The following FRAS1 variants were observed in gnomAD, a reference collection of about 807,000 sequenced individuals.
The protein encoded by FRAS1 is Fraser extracellular matrix complex subunit 1.
In FRAS1, 290 loss-of-function variants were observed where a neutral mutation model predicts 435.2. The ratio of observed to expected loss-of-function variants is 0.67; its 90% CI spans 0.61 to 0.73. The LOEUF (loss-of-function observed/expected upper bound fraction) is 0.73, where lower values mean the gene tolerates loss of function less well. Among genes scored for constraint, FRAS1 ranks in the 30% least tolerant of loss-of-function variants. The pLI, the probability that FRAS1 is intolerant of heterozygous loss-of-function variation, is 0.00. For missense variants in FRAS1, 4,860 were observed against 5,001.5 expected (o/e 0.97, Z 0.85); for synonymous variants, 1,800 against 1,851.0 (o/e 0.97, Z 0.71).
At position 78,284,526 on chromosome 4, in the gene FRAS1, C is replaced by A; in HGVS notation, c.1377C>A (p.Tyr459Ter). The change falls in exon 13 of 74, where the codon TAC (tyrosine) becomes TAA (stop). Residue 459 changes from tyrosine (Y) to a stop codon, truncating the protein, a stop_gained. Transcript: ENST00000512123. LOFTEE classifies it high-confidence loss of function. The part of the protein sequence containing the change: ...WCVHSCGLGF[Y>*]QAGSLCLACQ... ...TGCACAGCTGTGGACTGGGTTTTTACCAAGCTGGCAGTCTCTGTTTAGGTA... is the reference window on the plus strand; with the variant it reads ...TGCACAGCTGTGGACTGGGTTTTTAACAAGCTGGCAGTCTCTGTTTAGGTA... The A allele has an allele frequency of 6.2e-7, 1 of 1,611,334 alleles. No homozygotes were observed.
intron 22 of FRAS1, among the ~76,000 whole-genome samples, chr4:78,365,741 A>AG (rs1560682748): frequency 1.5e-5 from 2 of 135,368 alleles, no homozygotes; most frequent in Non-Finnish European, 3.1e-5. Context: ...GTACATTAAA[A>AG]AAAAAAAAAC....
chr4:78,443,229 A>C (rs1421690552), intron 41 of FRAS1, among the ~76,000 whole-genome samples: 1 of 152,148 alleles, frequency 6.6e-6, no homozygotes, highest in Non-Finnish European at 1.5e-5. Flanking sequence ...GTGGTGGCAC[A>C]TGCCTGTAGT....
At chr4:78,278,869 T>C (rs543289583) in intron 10 of FRAS1, 125 bp downstream of exon 10, 2 of 641,150 alleles carry the variant, frequency 3.1e-6, no homozygotes, top group East Asian at 2.8e-5. Context: ...GTGCACCTAC[T>C]GTACAACAGG....
intron 45 of FRAS1, among the ~76,000 whole-genome samples, chr4:78,451,041 A>G (rs1383481570): frequency 1.3e-5 from 2 of 148,578 alleles, no homozygotes; most frequent in Non-Finnish European, 2.9e-5. Flanking sequence ...CTGAATTCTC[A>G]TTGGAACTGG....
intron 59 of FRAS1, among the ~76,000 whole-genome samples, chr4:78,491,314 A>G: frequency 6.6e-6 from 1 of 152,228 alleles, no homozygotes; most frequent in Non-Finnish European, 1.5e-5. Flanking sequence ...TTATGAGGCC[A>G]GCATCATCCT....
intron 42 of FRAS1, 104 bp downstream of exon 42, chr4:78,445,816 G>A: frequency 7.0e-7 from 1 of 1,428,246 alleles, no homozygotes; most frequent in Non-Finnish European, 9.2e-7. Flanking sequence ...GATTGGATTT[G>A]ACCTTCAAAA....
intron 30 of FRAS1, among the ~76,000 whole-genome samples, chr4:78,401,749 A>T (rs948383558): frequency 2.0e-5 from 3 of 151,644 alleles, no homozygotes; most frequent in South Asian, 4.2e-4. Flanking sequence ...CCTGGTGAAA[A>T]TTCAGAACTT....
chr4:78,140,977 T>C (rs1720157764), intron 2 of FRAS1, among the ~76,000 whole-genome samples: 1 of 152,154 alleles, frequency 6.6e-6, no homozygotes, highest in Non-Finnish European at 1.5e-5. Flanking sequence ...AGGTGGGTGA[T>C]GGGCTGGGAG....
intron 19 of FRAS1, among the ~76,000 whole-genome samples, chr4:78,333,763 G>T (rs569650567): frequency 6.6e-6 from 1 of 152,140 alleles, no homozygotes; most frequent in Non-Finnish European, 1.5e-5. Context: ...CTAGAACTTA[G>T]TTCAGCATAA....
chr4:78,478,021 C>T lies in FRAS1; in HGVS notation c.8058C>T (p.Asn2686=), dbSNP rs767860539. The change falls in exon 55 of 74, where the codon AAC becomes AAT. Residue 2686 remains asparagine, a synonymous_variant. Coordinates refer to ENST00000512123, the MANE Select transcript of FRAS1 (RefSeq NM_025074.7). ...TTGACAAGAAGATCTACTGGGTTAACGAGAGCGCTGGTTTTCTGTTTGCAC... is the reference window on the plus strand; with the variant it reads ...TTGACAAGAAGATCTACTGGGTTAATGAGAGCGCTGGTTTTCTGTTTGCAC... ...LEFDKKIYWV[N]ESAGFLFAPI... is the part of the protein sequence containing the mutation. 346 of 1,594,994 alleles carry T rather than the reference C, an allele frequency of 2.2e-4. No homozygotes were observed. The highest frequency in any genetic ancestry group is 2.8e-4 in the Non-Finnish European group (327 of 1,170,216).
intron 47 of FRAS1, among the ~76,000 whole-genome samples, chr4:78,455,547 G>T (rs1719165878): frequency 6.6e-6 from 1 of 152,202 alleles, no homozygotes; most frequent in African/African-American, 2.4e-5. Flanking sequence ...CACTGGTGCT[G>T]CAGACACCCT....
chr4:78,273,914 G>A (rs1191070945), intron 9 of FRAS1, among the ~76,000 whole-genome samples: 2 of 152,232 alleles, frequency 1.3e-5, no homozygotes, highest in African/African-American at 4.8e-5. Flanking sequence ...TGTACCTCTG[G>A]TAGAATTCGG....
chr4:78,080,520 A>G (rs746662968), intron 2 of FRAS1, among the ~76,000 whole-genome samples: 7 of 152,162 alleles, frequency 4.6e-5, no homozygotes, highest in African/African-American at 7.2e-5. Flanking sequence ...CTTTTATCTT[A>G]ATTGGATACA....
At chr4:78,262,782 TA>T (rs1386101962) in intron 6 of FRAS1, among the ~76,000 whole-genome samples, 7 of 152,190 alleles carry the variant, frequency 4.6e-5, no homozygotes, top group Non-Finnish European at 1.0e-4. Context: ...GTAGTGGCAT[TA>T]GTAATATGTT....
chr4:78,358,147 A>G (rs1730933642), intron 20 of FRAS1, among the ~76,000 whole-genome samples: 2 of 145,804 alleles, frequency 1.4e-5, no homozygotes, highest in South Asian at 2.1e-4. Context: ...TTCCCCCACC[A>G]TGCTGAAAAT....
rs1732279109 is a variant in FRAS1, at chr4:78,387,777, C to A, written c.3975+76C>A. The A allele has an allele frequency of 4.9e-6, 5 of 1,012,058 alleles. No individual in the cohort carries two copies. In the South Asian group the frequency reaches 1.1e-4, roughly 22 times the overall value. 62.7% of individuals were successfully genotyped at this position (1,012,058 alleles called of 1,614,324 possible). On this transcript the variant is annotated intron_variant, in intron 29 of 73. Transcript: ENST00000512123. ...CTACGGTTGATATTATTTTATGATA[C>A]TCACAAAGTTAAGATATGGGTAGTC... is the stretch of plus-strand genomic sequence containing the variant.
At chr4:78,285,560 G>A (rs190286655) in intron 13 of FRAS1, among the ~76,000 whole-genome samples, 18 of 151,630 alleles carry the variant, frequency 1.2e-4, no homozygotes, top group Middle Eastern at 6.8e-3. Context: ...AGCCTCCTGA[G>A]TAGCTGAGAT....
At chr4:78,124,763 GA>G (rs1404361491) in intron 2 of FRAS1, among the ~76,000 whole-genome samples, 1 of 152,184 alleles carries the variant, frequency 6.6e-6, no homozygotes, top group Non-Finnish European at 1.5e-5. Flanking sequence ...TATTTGCATA[GA>G]GGTGTTTATA....
chr4:78,451,976 C>T lies in FRAS1; in HGVS notation c.6583+85C>T, dbSNP rs532814851. The T allele has an allele frequency of 4.6e-5, 65 of 1,403,694 alleles. 2 individuals carry two copies. In the South Asian group the frequency reaches 7.1e-4, roughly 15 times the overall value. 87.0% of individuals were successfully genotyped at this position (1,403,694 alleles called of 1,614,324 possible). A position where few individuals can be genotyped will look rare whatever the true frequency, so the allele number is the denominator to read the frequency against. On this transcript the variant is annotated intron_variant, in intron 46 of 73. Coordinates refer to ENST00000512123, the MANE Select transcript of FRAS1 (RefSeq NM_025074.7). Reference sequence around the variant, plus strand: ...TTTACACTTTGTTCACCTCGAGGCTCGAGTCCTTCCCTTTACCTAGCTGGT... The same window carrying T: ...TTTACACTTTGTTCACCTCGAGGCTTGAGTCCTTCCCTTTACCTAGCTGGT...
Sources: gnomAD v4.1 joint callset for allele counts (sites outside exome capture counted in the v4.1 genomes callset) on GRCh38, gnomAD v4.1.1 for gene constraint, MANE v1.5 for transcripts, NCBI Gene and HGNC (gene_info 2026-07-23, HGNC 2026-07-21) for gene names.